CYP7B1: variants seen among roughly 807,000 people sequenced by gnomAD.
CYP7B1 encodes cytochrome P450 7B1.
In CYP7B1, 29 loss-of-function variants were observed where a neutral mutation model predicts 42.7. That is an observed-to-expected ratio of 0.68 (90% CI 0.51 to 0.93). The LOEUF (loss-of-function observed/expected upper bound fraction) is 0.93. Among genes scored for constraint, CYP7B1 ranks in the 40% least tolerant of loss-of-function variants. CYP7B1 has a pLI of 0.00. For synonymous variants in CYP7B1, 235 were observed against 218.2 expected, an observed-to-expected ratio of 1.08 and a Z score of -0.68; for missense variants, 655 against 600.5, an observed-to-expected ratio of 1.09 and a Z score of -0.95.
chr8:64,590,970 A>G lies in CYP7B1; in HGVS notation c.*5672T>C, dbSNP rs1187004557. Among the ~76,000 whole-genome samples, 7 of 152,156 alleles carry G rather than the reference A, an allele frequency of 4.6e-5. No individual in the cohort carries two copies. Among genetic ancestry groups the G allele is most frequent in the African/African-American group, 1.7e-4 (7 of 41,456 alleles). On this transcript the variant is annotated 3_prime_UTR_variant, in exon 6 of 6. Coordinates refer to ENST00000310193, the MANE Select transcript of CYP7B1 (RefSeq NM_004820.5). ...TTTAGGACAATTTGATTCATTGTAAATCCACATATATGTCATTTTAAAATC... is the reference window on the plus strand; with the variant it reads ...TTTAGGACAATTTGATTCATTGTAAGTCCACATATATGTCATTTTAAAATC...
intron 1 of CYP7B1, among the ~76,000 whole-genome samples, chr8:64,748,762 C>T (rs1807684646): frequency 6.6e-6 from 1 of 152,220 alleles, no homozygotes; most frequent in East Asian, 1.9e-4. Flanking sequence ...ATTTTATCTG[C>T]ACCCATGACT....
Position 64,593,405 on chromosome 8 carries a change from T to C in CYP7B1, c.*3237A>G, listed in dbSNP as rs1174488997. 6.6e-6 allele frequency among the ~76,000 whole-genome samples: 1 copy of C among 152,072 alleles called. No individual in the cohort carries two copies. The highest frequency in any genetic ancestry group is 1.9e-4 in the East Asian group (1 of 5,188). ...TCAGTATATTTGCCTATCTCAGTCTTAGCTCCGGGTAAAAATAAACAAAAA... is the reference window on the plus strand; with the variant it reads ...TCAGTATATTTGCCTATCTCAGTCTCAGCTCCGGGTAAAAATAAACAAAAA... On this transcript the variant is annotated 3_prime_UTR_variant, in exon 6 of 6. Transcript: ENST00000310193.
intron 1 of CYP7B1, among the ~76,000 whole-genome samples, chr8:64,649,726 T>C (rs1806010594): frequency 6.6e-6 from 1 of 152,208 alleles, no homozygotes; most frequent in Non-Finnish European, 1.5e-5. Flanking sequence ...CACTAGTTAT[T>C]TTCTGTTGTT....
rs1222659097 is a variant in CYP7B1, at chr8:64,798,387, G to C, written c.122+79C>G. 2.1e-6 allele frequency: 3 copies of C among 1,423,436 alleles called. No individual in the cohort carries two copies. The South Asian group carries it at 4.5e-5, about 21-fold the overall frequency. The allele number at this position is 1,423,436 out of a possible 1,614,324, so 88.2% of individuals were successfully genotyped here. A position where few individuals can be genotyped will look rare whatever the true frequency, so the allele number is the denominator to read the frequency against. On this transcript the variant is annotated intron_variant, in intron 1 of 5. Coordinates refer to ENST00000310193, the MANE Select transcript of CYP7B1 (RefSeq NM_004820.5). ...TGTCTGCACTGGAAATCATGGAGGG[G>C]GACTCCCCTCGCCATCTGGGTCGCG...
At chr8:64,665,558 G>T (rs62521085) in intron 1 of CYP7B1, among the ~76,000 whole-genome samples, 2 of 74,774 alleles carry the variant, frequency 2.7e-5, no homozygotes, top group Non-Finnish European at 5.5e-5. Flanking sequence ...TTTTTTTGGT[G>T]GTTTTTTTTT....
At chr8:64,643,868 T>C (rs1805905984) in intron 1 of CYP7B1, among the ~76,000 whole-genome samples, 1 of 152,204 alleles carries the variant, frequency 6.6e-6, no homozygotes, top group Non-Finnish European at 1.5e-5. Flanking sequence ...ATCATGAGAT[T>C]GCAGCAATTA....
Position 64,594,778 on chromosome 8 carries a change from A to G in CYP7B1, c.*1864T>C, listed in dbSNP as rs930523207. Among the ~76,000 whole-genome samples, 4 of 152,344 alleles carry G rather than the reference A, an allele frequency of 2.6e-5. No homozygotes were observed. The highest frequency in any genetic ancestry group is 9.6e-5 in the African/African-American group (4 of 41,586). On this transcript the variant is annotated 3_prime_UTR_variant, in exon 6 of 6. Coordinates refer to ENST00000310193, the MANE Select transcript of CYP7B1 (RefSeq NM_004820.5). ...CATCTAAAGAAATTACATGGAGTGT[A>G]AGTTAGAGATACAAAGTGTGGTGAG... is the stretch of plus-strand genomic sequence containing the variant.
intron 1 of CYP7B1, among the ~76,000 whole-genome samples, chr8:64,685,170 C>T (rs982531224): frequency 1.3e-5 from 2 of 152,026 alleles, no homozygotes; most frequent in Admixed American, 6.5e-5. Context: ...CGGCGAGCGC[C>T]GCCCGGGAGG....
intron 4 of CYP7B1, among the ~76,000 whole-genome samples, chr8:64,614,418 C>T (rs1338918757): frequency 2.0e-5 from 3 of 152,008 alleles, no homozygotes; most frequent in Admixed American, 2.0e-4. Flanking sequence ...GTAGTTGTTG[C>T]TTTTCCTTTT....
chr8:64,658,665 A>ATTACAACCACTT (rs1806157219), intron 1 of CYP7B1, among the ~76,000 whole-genome samples: 1 of 152,152 alleles, frequency 6.6e-6, no homozygotes, highest in Admixed American at 6.5e-5. Context: ...CATCTTTTTC[A>ATTACAACCACTT]TTACAACCAC....
rs1805126347 is a variant in CYP7B1, at chr8:64,596,868, C to T, written c.1295G>A (p.Gly432Glu). 1.9e-6 allele frequency: 3 copies of T among 1,613,544 alleles called. No individual in the cohort carries two copies. Among genetic ancestry groups the T allele is most frequent in the South Asian group, 2.2e-5 (2 of 90,956 alleles). ...CATTAGGTAACACTTCAGCTTTTTC[C>T]CTCTTTTGAAAAAGGTGGTTTTCTT... is the stretch of plus-strand genomic sequence containing the variant. ...GKKKTTFFKR[G>E]KKLKCYLMPF... Residue 432 changes from glycine (G) to glutamate (E), a missense_variant, in exon 6 of 6, where the codon GGG becomes GAG. By Grantham distance (98) the Gly-to-Glu change is moderately conservative (BLOSUM62 -2). Coordinates refer to ENST00000310193, the MANE Select transcript of CYP7B1 (RefSeq NM_004820.5).
intron 4 of CYP7B1, among the ~76,000 whole-genome samples, chr8:64,612,948 G>C (rs1393416302): frequency 6.6e-6 from 1 of 152,056 alleles, no homozygotes. Context: ...TATGTGCAGA[G>C]GTTATTTGTT....
intron 1 of CYP7B1, among the ~76,000 whole-genome samples, chr8:64,721,092 G>T (rs951603038): frequency 5.1e-4 from 74 of 144,782 alleles, no homozygotes; most frequent in African/African-American, 6.8e-4. Flanking sequence ...TTCTTACCTG[G>T]TTTTTTTTTT....
chr8:64,642,540 G>A lies in CYP7B1; in HGVS notation c.123-18001C>T, dbSNP rs1033644545. 3.9e-5 allele frequency among the ~76,000 whole-genome samples: 6 copies of A among 152,022 alleles called. No individual in the cohort carries two copies. In the East Asian group the frequency reaches 5.8e-4, roughly 15 times the overall value. On this transcript the variant is annotated intron_variant, in intron 1 of 5. Coordinates refer to ENST00000310193, the MANE Select transcript of CYP7B1 (RefSeq NM_004820.5). ...CCATTATTTTAACATTTTAGGATTC[G>A]TCACAGGTTCCTCACTAGAGGAAGA...
chr8:64,592,548 G>T lies in CYP7B1; in HGVS notation c.*4094C>A, dbSNP rs1286412519. Among the ~76,000 whole-genome samples the T allele has an allele frequency of 6.6e-6, 1 of 152,162 alleles. No individual in the cohort carries two copies. Among genetic ancestry groups the T allele is most frequent in the Non-Finnish European group, 1.5e-5 (1 of 68,028 alleles). On this transcript the variant is annotated 3_prime_UTR_variant, in exon 6 of 6. Transcript: ENST00000310193. ...TAGCATCAATCATATCTAGAACAGAGAAAATGCTCAATGAATGTTTGGTTG... is the reference window on the plus strand; with the variant it reads ...TAGCATCAATCATATCTAGAACAGATAAAATGCTCAATGAATGTTTGGTTG...
intron 5 of CYP7B1, among the ~76,000 whole-genome samples, chr8:64,604,189 G>T (rs1272920514): frequency 6.6e-6 from 1 of 152,142 alleles, no homozygotes; most frequent in African/African-American, 2.4e-5. Context: ...CATACTAATT[G>T]ATCAAGAAGG....
chr8:64,738,565 C>T (rs894368609), intron 1 of CYP7B1, among the ~76,000 whole-genome samples: 5 of 152,112 alleles, frequency 3.3e-5, no homozygotes, highest in Admixed American at 1.3e-4. Flanking sequence ...CACACACACA[C>T]GCATATAAAA....
intron 1 of CYP7B1, among the ~76,000 whole-genome samples, chr8:64,677,785 T>C (rs1411466906): frequency 6.8e-6 from 1 of 146,760 alleles, no homozygotes; most frequent in East Asian, 2.0e-4. Context: ...TAAAATCTGG[T>C]CTGCTAAATG....
chr8:64,776,409 A>C (rs914460135), intron 1 of CYP7B1, among the ~76,000 whole-genome samples: 1 of 152,196 alleles, frequency 6.6e-6, no homozygotes, highest in African/African-American at 2.4e-5. Flanking sequence ...AATAAAGAAC[A>C]ACCAATTTTT....
Sources: allele counts gnomAD v4.1 joint callset (sites outside exome capture counted in the v4.1 genomes callset), GRCh38; gene constraint gnomAD v4.1.1; transcripts MANE v1.5; gene names NCBI Gene and HGNC (gene_info 2026-07-23, HGNC 2026-07-21).